Variants in DMXL1 observed in about 807,000 individuals in gnomAD.
DMXL1 encodes the protein Dmx like 1.
In DMXL1, 99 loss-of-function variants were observed where a neutral mutation model predicts 319.2. That is an observed-to-expected ratio of 0.31 (90% CI 0.26 to 0.37). The LOEUF (loss-of-function observed/expected upper bound fraction) is 0.37. Among genes scored for constraint, DMXL1 ranks in the 10% least tolerant of loss-of-function variants. DMXL1 has a pLI of 1.00. For missense variants in DMXL1, 3,745 were observed against 3,595.6 expected (o/e 1.04, Z -1.06); for synonymous variants, 1,385 against 1,235.2 (o/e 1.12, Z -2.54).
At position 119,164,406 on chromosome 5, in the gene DMXL1, G is replaced by A. The variant is rs967384480; in HGVS notation, c.4703-101G>A. On this transcript the variant is annotated intron_variant, in intron 19 of 43. Coordinates refer to ENST00000539542, the MANE Select transcript of DMXL1 (RefSeq NM_001290321.3). ...CCAATCTTAAACTGTGAGTCTCATA[G>A]AAGTTTACACATTTATATTGAAAAT... is the stretch of plus-strand genomic sequence containing the variant. The A allele has an allele frequency of 2.8e-6, 3 of 1,060,668 alleles. No individual in the cohort carries two copies. In the African/African-American group the frequency reaches 4.8e-5, roughly 17 times the overall value. The allele number at this position is 1,060,668 out of a possible 1,614,324, so 65.7% of individuals were successfully genotyped here.
chr5:119,232,186 G>A (rs557559322), intron 38 of DMXL1, among the ~76,000 whole-genome samples: 1 of 152,040 alleles, frequency 6.6e-6, no homozygotes, highest in Non-Finnish European at 1.5e-5. Flanking sequence ...GAAAAGTTGA[G>A]CGATTTTAGT....
intron 13 of DMXL1, among the ~76,000 whole-genome samples, chr5:119,142,689 T>A (rs537470238): frequency 6.6e-6 from 1 of 152,196 alleles, no homozygotes; most frequent in South Asian, 2.1e-4. Context: ...TTACTGGCTA[T>A]GTACCTAGAG....
chr5:119,212,361 A>G (rs1400766046), intron 34 of DMXL1, among the ~76,000 whole-genome samples: 1 of 152,194 alleles, frequency 6.6e-6, no homozygotes, highest in Non-Finnish European at 1.5e-5. Flanking sequence ...TTTGAGGTTC[A>G]TCCATATTTT....
Position 119,144,751 on chromosome 5 carries a change from TA to T in DMXL1, c.2569+114del, listed in dbSNP as rs945243379. On this transcript the variant is annotated intron_variant, in intron 15 of 43. Transcript: ENST00000539542. ...TGTCTATTTGAAGTAAAAATTGGGG[TA>T]GGTTTGTTTATTAAATATTTATCAT... 6.8e-6 allele frequency: 4 copies of T among 587,962 alleles called. No individual in the cohort carries two copies. In the Admixed American group the frequency reaches 1.4e-4, roughly 20 times the overall value. 36.4% of individuals were successfully genotyped at this position (587,962 alleles called of 1,614,324 possible). A position where few individuals can be genotyped will look rare whatever the true frequency, so the allele number is the denominator to read the frequency against.
At chr5:119,228,295 C>T (rs1015429146) in intron 38 of DMXL1, among the ~76,000 whole-genome samples, 1 of 152,218 alleles carries the variant, frequency 6.6e-6, no homozygotes, top group African/African-American at 2.4e-5. Context: ...CTTGCAGACA[C>T]TTTCAGTGAA....
chr5:119,149,491 G>A lies in DMXL1; in HGVS notation c.3664G>A (p.Val1222Ile). The change falls in exon 18 of 44, where the codon GTC becomes ATC. Residue 1222 changes from valine to isoleucine, a missense_variant. By Grantham distance (29) the Val-to-Ile change is conservative (BLOSUM62 3). Around this residue, in one of 4 missense-constraint regions of DMXL1, gnomAD observed 2,096 missense variants for 1,985.4 expected, o/e 1.06. Transcript: ENST00000539542. ...ACCTTTTCCTGTTTCTTTATCGTGG[G>A]TCCGGGATGGCATCCTTGTGGTAGG... ...SPPFPVSLSW[V>I]RDGILVVGMD... is the part of the protein sequence containing the mutation. 6.2e-7 allele frequency: 1 copy of A among 1,613,928 alleles called. No individual in the cohort carries two copies. Among genetic ancestry groups the A allele is most frequent in the Non-Finnish European group, 8.5e-7 (1 of 1,179,912 alleles).
At chr5:119,164,266 C>T (rs796936179) in intron 19 of DMXL1, among the ~76,000 whole-genome samples, 19 of 152,162 alleles carry the variant, frequency 1.2e-4, no homozygotes, top group African/African-American at 4.6e-4. Flanking sequence ...GTGGAATTTG[C>T]CATAAGCATT....
At position 119,237,314 on chromosome 5, in the gene DMXL1, T is replaced by G. The variant is rs371764242; in HGVS notation, c.8467-8T>G. The G allele has an allele frequency of 4.6e-6, 7 of 1,509,058 alleles. No homozygotes were observed. In the African/African-American group the frequency reaches 9.6e-5, roughly 21 times the overall value. 93.5% of individuals were successfully genotyped at this position (1,509,058 alleles called of 1,614,324 possible). A position where few individuals can be genotyped will look rare whatever the true frequency, so the allele number is the denominator to read the frequency against. ...ATTAAATACTTTTAAATATTTTCTT[T>G]CTCTAAGTTTGGAATAGTTGATGCT... On this transcript the variant is annotated splice_region_variant and splice_polypyrimidine_tract_variant and intron_variant, in intron 39 of 43. Transcript: ENST00000539542.
intron 1 of DMXL1, among the ~76,000 whole-genome samples, chr5:119,084,365 C>G (rs1486320087): frequency 6.6e-6 from 1 of 152,158 alleles, no homozygotes; most frequent in Non-Finnish European, 1.5e-5. Flanking sequence ...AGTGATTCAC[C>G]TGCCTCAGCC....
chr5:119,119,752 C>G (rs968215358), intron 8 of DMXL1, among the ~76,000 whole-genome samples: 2 of 152,078 alleles, frequency 1.3e-5, no homozygotes, highest in Non-Finnish European at 2.9e-5. Context: ...CTCAAGTGAT[C>G]TACCTGCCTC....
chr5:119,085,432 G>C (rs537801260), intron 1 of DMXL1, among the ~76,000 whole-genome samples: 1 of 152,040 alleles, frequency 6.6e-6, no homozygotes, highest in East Asian at 1.9e-4. Context: ...ATTGCTTTCT[G>C]ATTTCTTTGT....
intron 10 of DMXL1, among the ~76,000 whole-genome samples, chr5:119,131,137 A>G (rs1196003891): frequency 7.0e-6 from 1 of 142,764 alleles, no homozygotes; most frequent in Non-Finnish European, 1.5e-5. Flanking sequence ...AATACCCTTT[A>G]TCTAATTTCC....
At chr5:119,089,293 T>TGTA (rs70982466) in intron 1 of DMXL1, among the ~76,000 whole-genome samples, 1 of 25,332 alleles carries the variant, frequency 3.9e-5, no homozygotes, top group African/African-American at 1.4e-4. Flanking sequence ...TATATATATA[T>TGTA]TTTTTTTTTT....
At position 119,078,914 on chromosome 5, in the gene DMXL1, T is replaced by G. The variant is rs372820592; in HGVS notation, c.87+7258T>G. On this transcript the variant is annotated intron_variant, in intron 1 of 43. Coordinates refer to ENST00000539542, the MANE Select transcript of DMXL1 (RefSeq NM_001290321.3). ...TTATATAATTTAGCATGAGTTAATT[T>G]AGCAACAGTCTTTGTTGCCAGTATC... Among the ~76,000 whole-genome samples, 25 of 152,372 alleles carry G rather than the reference T, an allele frequency of 1.6e-4. No individual in the cohort carries two copies. In the South Asian group the frequency reaches 5.0e-3, roughly 30 times the overall value.
At chr5:119,088,172 C>T (rs1580619671) in intron 1 of DMXL1, among the ~76,000 whole-genome samples, 1 of 152,178 alleles carries the variant, frequency 6.6e-6, no homozygotes, top group Non-Finnish European at 1.5e-5. Flanking sequence ...TATACTATTT[C>T]TGGATTGACT....
At chr5:119,197,608 T>C (rs1048254591) in intron 31 of DMXL1, 147 bp from the exon 32 acceptor site, 1 of 736,236 alleles carries the variant, frequency 1.4e-6, no homozygotes, top group African/African-American at 1.8e-5. Context: ...CTTGCACATC[T>C]TCCCTGCCAA....
At chr5:119,206,354 A>G (rs1402992395) in intron 33 of DMXL1, 4 of 152,150 alleles carry the variant, frequency 2.6e-5, no homozygotes, top group Non-Finnish European at 5.9e-5. Flanking sequence ...TTTATTGACT[A>G]TTTCTGGCTT....
At chr5:119,185,488 C>A (rs953877908) in intron 28 of DMXL1, among the ~76,000 whole-genome samples, 10 of 152,112 alleles carry the variant, frequency 6.6e-5, no homozygotes, top group African/African-American at 2.2e-4. Flanking sequence ...GTATCATCTT[C>A]CAGACTTTTT....
chr5:119,241,095 A>G (rs1419890254), intron 42 of DMXL1, among the ~76,000 whole-genome samples: 1 of 152,186 alleles, frequency 6.6e-6, no homozygotes, highest in Non-Finnish European at 1.5e-5. Flanking sequence ...CTTATTATTA[A>G]TATAGTCAAT....
Sources: allele counts gnomAD v4.1 joint callset (sites outside exome capture counted in the v4.1 genomes callset), GRCh38; gene constraint gnomAD v4.1.1; regional missense constraint gnomAD v4.1.1; transcripts MANE v1.5; gene names NCBI Gene and HGNC (gene_info 2026-07-23, HGNC 2026-07-21).